The following HDAC9 variants were observed in gnomAD, a reference collection of about 807,000 sequenced individuals.
HDAC9 encodes MEF-2 interacting transcription repressor (MITR) protein.
Under a neutral mutation model 139.4 loss-of-function variants are expected in HDAC9, and 41 were observed. That is an observed-to-expected ratio of 0.29 (90% CI 0.23 to 0.38). The LOEUF (loss-of-function observed/expected upper bound fraction) is 0.38, where lower values mean the gene tolerates loss of function less well. Among genes scored for constraint, HDAC9 ranks in the 10% least tolerant of loss-of-function variants. The probability of loss-of-function intolerance (pLI) is 1.00; values close to 1 mark genes in which losing one functional copy is unlikely to be tolerated. For synonymous variants in HDAC9, 517 were observed against 476.2 expected (o/e 1.09, Z -1.12); for missense variants, 1,147 against 1,297.0 (o/e 0.88, Z 1.78).
chr7:18,397,013 T>A (rs1477487300), intron 1 of HDAC9, among the ~76,000 whole-genome samples: 1 of 151,978 alleles, frequency 6.6e-6, no homozygotes, highest in African/African-American at 2.4e-5. Flanking sequence ...GTGAGAGAAA[T>A]CCACTCTATG....
At position 18,667,783 on chromosome 7, in the gene HDAC9, C is replaced by T; in HGVS notation, c.1731+1307C>T. 5.1e-6 allele frequency: 5 copies of T among 984,674 alleles called. No individual in the cohort carries two copies. In the South Asian group the frequency reaches 2.4e-4, roughly 46 times the overall value. 61.0% of individuals were successfully genotyped at this position (984,674 alleles called of 1,614,324 possible). ...TGATTTATTGTCTAAGAAAATAACA[C>T]CACAAGTAGGGAAATTGTTACGGAA... On this transcript the variant is annotated intron_variant, in intron 12 of 25. Coordinates refer to ENST00000686413, the MANE Select transcript of HDAC9 (RefSeq NM_178425.4).
Position 18,996,846 on chromosome 7 carries a change from C to G in HDAC9, c.*784C>G, listed in dbSNP as rs1786494491. Reference sequence around the variant, plus strand: ...AGAATGAAGTCCCCCCACCTCCCAGCCACACACACATCCTTTGTTCTCATG... The same window carrying G: ...AGAATGAAGTCCCCCCACCTCCCAGGCACACACACATCCTTTGTTCTCATG... On this transcript the variant is annotated 3_prime_UTR_variant, in exon 26 of 26. Coordinates refer to ENST00000686413, the MANE Select transcript of HDAC9 (RefSeq NM_178425.4). The G allele has an allele frequency of 6.6e-6, 1 of 152,218 alleles. No homozygotes were observed. Among genetic ancestry groups the G allele is most frequent in the African/African-American group, 2.4e-5 (1 of 41,448 alleles). 9.4% of individuals were successfully genotyped at this position (152,218 alleles called of 1,614,324 possible).
At chr7:18,098,873 T>C (rs1782675549) in intron 1 of HDAC9, among the ~76,000 whole-genome samples, 1 of 152,182 alleles carries the variant, frequency 6.6e-6, no homozygotes, top group Non-Finnish European at 1.5e-5. Flanking sequence ...TTTTATCTTC[T>C]TATTGCTTTC....
In HDAC9 at chr7:18,777,537, T is replaced by G. The variant is rs17139923; in HGVS notation, c.2214+10382T>G. ...CGTCTCAATTTCTATATGCCCAGTT[T>G]CGTGTTGTATTTATATAGTGCAAGA... On this transcript the variant is annotated intron_variant, in intron 16 of 25. Coordinates refer to ENST00000686413, the MANE Select transcript of HDAC9 (RefSeq NM_178425.4). Among the ~76,000 whole-genome samples the G allele has an allele frequency of 6.3e-4, 96 of 152,116 alleles. 1 individual carries two copies. The East Asian group carries it at 0.012, about 19-fold the overall frequency.
At chr7:18,966,340 T>C (rs1783843202) in intron 24 of HDAC9, among the ~76,000 whole-genome samples, 1 of 152,202 alleles carries the variant, frequency 6.6e-6, no homozygotes, top group Admixed American at 6.5e-5. Context: ...TCAACATTGC[T>C]GCCACTTGGC....
At chr7:18,742,860 T>A (rs1349379957) in intron 13 of HDAC9, among the ~76,000 whole-genome samples, 8 of 152,308 alleles carry the variant, frequency 5.3e-5, no homozygotes, top group Middle Eastern at 3.4e-3. Context: ...TCATATCCAG[T>A]TTTATTTTTA....
At chr7:18,133,653 G>A (rs932560293) in intron 1 of HDAC9, among the ~76,000 whole-genome samples, 5 of 152,044 alleles carry the variant, frequency 3.3e-5, no homozygotes, top group African/African-American at 7.2e-5. Flanking sequence ...TAATGGGCTC[G>A]AGTTTTGTTG....
intron 12 of HDAC9, among the ~76,000 whole-genome samples, chr7:18,705,289 C>T (rs1022190109): frequency 6.6e-6 from 1 of 152,080 alleles, no homozygotes; most frequent in African/African-American, 2.4e-5. Flanking sequence ...TAACAGCGTC[C>T]CTGACTCCTC....
chr7:18,358,600 A>T (rs764142796), intron 1 of HDAC9, among the ~76,000 whole-genome samples: 18 of 152,208 alleles, frequency 1.2e-4, no homozygotes, highest in Admixed American at 7.2e-4. Flanking sequence ...AGATGAGAAC[A>T]TGAAGAACTT....
At chr7:18,283,226 C>T (rs893429564) in intron 2 of HDAC9, among the ~76,000 whole-genome samples, 2 of 152,096 alleles carry the variant, frequency 1.3e-5, no homozygotes, top group Non-Finnish European at 2.9e-5. Flanking sequence ...AGGAAACAGG[C>T]AGCTTCTTCA....
chr7:18,872,338 C>T (rs1302794105), intron 21 of HDAC9, among the ~76,000 whole-genome samples: 1 of 152,104 alleles, frequency 6.6e-6, no homozygotes, highest in African/African-American at 2.4e-5. Flanking sequence ...ACCTACGTAG[C>T]AAATGTGCAA....
chr7:18,191,381 A>G (rs144993478), intron 2 of HDAC9, among the ~76,000 whole-genome samples: 12 of 152,344 alleles, frequency 7.9e-5, no homozygotes, highest in South Asian at 4.1e-4. Context: ...TAAGACAAAA[A>G]TGTGAAGATT....
intron 19 of HDAC9, among the ~76,000 whole-genome samples, chr7:18,832,319 A>C (rs1202449243): frequency 1.3e-5 from 2 of 152,224 alleles, no homozygotes; most frequent in Non-Finnish European, 2.9e-5. Flanking sequence ...GATCAAGTAC[A>C]TTTAGATCTT....
chr7:18,198,560 C>A (rs1790884768), intron 2 of HDAC9, among the ~76,000 whole-genome samples: 1 of 152,128 alleles, frequency 6.6e-6, no homozygotes, highest in Non-Finnish European at 1.5e-5. Flanking sequence ...CTCACAATAT[C>A]CATTTTTAAT....
intron 23 of HDAC9, among the ~76,000 whole-genome samples, chr7:18,940,429 AT>A (rs1228233104): frequency 6.6e-6 from 1 of 152,082 alleles, no homozygotes; most frequent in Non-Finnish European, 1.5e-5. Context: ...CCAGAAGTCC[AT>A]TTTTTTCTTT....
chr7:18,437,657 G>A (rs1015866371), intron 1 of HDAC9, among the ~76,000 whole-genome samples: 16 of 151,442 alleles, frequency 1.1e-4, no homozygotes, highest in Non-Finnish European at 7.4e-5. Context: ...GTACTATGCA[G>A]TGTTCGAAAA....
chr7:18,128,746 T>G (rs1784826988), intron 1 of HDAC9, among the ~76,000 whole-genome samples: 1 of 152,124 alleles, frequency 6.6e-6, no homozygotes, highest in Non-Finnish European at 1.5e-5. Context: ...GAAGATAGCT[T>G]CTTAATGGGT....
upstream of HDAC9, chr7:18,290,243 C>T (rs1157210263): frequency 3.2e-6 from 1 of 310,502 alleles, no homozygotes; most frequent in Non-Finnish European, 6.4e-6. Context: ...TGCCTGCATA[C>T]CAGCTATAGT....
intron 1 of HDAC9, among the ~76,000 whole-genome samples, chr7:18,444,821 C>A (rs1298564437): frequency 2.0e-5 from 3 of 152,158 alleles, no homozygotes; most frequent in South Asian, 4.1e-4. Flanking sequence ...TCTTACTAAG[C>A]CTGTTCTTGA....
Sources: gnomAD v4.1 joint callset for allele counts (sites outside exome capture counted in the v4.1 genomes callset) on GRCh38, gnomAD v4.1.1 for gene constraint, MANE v1.5 for transcripts, NCBI Gene and HGNC (gene_info 2026-07-23, HGNC 2026-07-21) for gene names.